The following SPATS2L variants were observed in gnomAD, a reference collection of about 807,000 sequenced individuals.
SPATS2L encodes the protein spermatogenesis associated serine rich 2 like, also known as SPATS2-like protein.
In SPATS2L, 30 loss-of-function variants were observed where a neutral mutation model predicts 59.6. The ratio of observed to expected loss-of-function variants is 0.50; its 90% CI spans 0.38 to 0.68. The LOEUF (loss-of-function observed/expected upper bound fraction) is 0.68. Ranked by LOEUF, SPATS2L falls within the 30% of genes least tolerant of loss-of-function variation. The probability of loss-of-function intolerance (pLI) is 0.00; values close to 1 mark genes in which losing one functional copy is unlikely to be tolerated. For missense variants in SPATS2L, 615 were observed against 700.0 expected (o/e 0.88, Z 1.37); for synonymous variants, 252 against 263.5 (o/e 0.96, Z 0.42).
chr2:200,428,583 A>C (rs189039777), intron 6 of SPATS2L, among the ~76,000 whole-genome samples: 1 of 152,316 alleles, frequency 6.6e-6, no homozygotes, highest in East Asian at 1.9e-4. Flanking sequence ...AAGATGACTC[A>C]CAAACTCATC....
intron 6 of SPATS2L, among the ~76,000 whole-genome samples, chr2:200,424,774 C>T (rs532719996): frequency 6.6e-6 from 1 of 152,286 alleles, no homozygotes; most frequent in Non-Finnish European, 1.5e-5. Flanking sequence ...TGTGGGCCAT[C>T]AGCAGCTTCC....
At chr2:200,356,733 A>G (rs960420933) in intron 2 of SPATS2L, among the ~76,000 whole-genome samples, 3 of 152,224 alleles carry the variant, frequency 2.0e-5, no homozygotes, top group Admixed American at 2.0e-4. Context: ...TTTGTATAAC[A>G]GAATACTCTA....
intron 2 of SPATS2L, among the ~76,000 whole-genome samples, chr2:200,371,929 C>T (rs2081439423): frequency 1.3e-5 from 2 of 152,130 alleles, no homozygotes; most frequent in East Asian, 1.9e-4. Context: ...TAAGTCATAC[C>T]GTGTTTTCTA....
chr2:200,372,022 T>TA (rs2081442761), intron 2 of SPATS2L: 23 of 985,278 alleles, frequency 2.3e-5, no homozygotes, highest in Non-Finnish European at 2.8e-5. Context: ...CTCCCAGGCA[T>TA]AAAAACCCAA....
At chr2:200,313,592 A>C (rs2079264358) in intron 1 of SPATS2L, among the ~76,000 whole-genome samples, 1 of 152,136 alleles carries the variant, frequency 6.6e-6, no homozygotes, top group East Asian at 1.9e-4. Context: ...TCAACATATA[A>C]ACATGCATAA....
chr2:200,472,775 A>C (rs2087157546), intron 11 of SPATS2L, 57 bp from the exon 12 acceptor site: 1 of 1,453,740 alleles, frequency 6.9e-7, no homozygotes, highest in South Asian at 1.1e-5. Flanking sequence ...CTAATGGGTT[A>C]CTGAGGCAGC....
chr2:200,390,704 C>T (rs2082145620), intron 3 of SPATS2L: 1 of 152,282 alleles, frequency 6.6e-6, no homozygotes, highest in East Asian at 1.9e-4. Context: ...CACTTAGAAT[C>T]CTGGCTGTCT....
In SPATS2L at chr2:200,452,966, A is replaced by G. The variant is rs75434982; in HGVS notation, c.789-6803A>G. Reference sequence around the variant, plus strand: ...GTTGTTATAAAACCTAAATGCAAATATATACAGAGTGGAAGGTGACAGACC... The same window carrying G: ...GTTGTTATAAAACCTAAATGCAAATGTATACAGAGTGGAAGGTGACAGACC... On this transcript the variant is annotated intron_variant, in intron 8 of 12. Transcript: ENST00000409140. Among the ~76,000 whole-genome samples the G allele has an allele frequency of 8.4e-3, 1,277 of 152,336 alleles. 12 individuals are homozygous for G. The highest frequency in any genetic ancestry group is 0.013 in the Non-Finnish European group (888 of 68,032).
chr2:200,329,061 G>A lies in SPATS2L; in HGVS notation c.-72-370G>A, dbSNP rs563936839. On this transcript the variant is annotated intron_variant, in intron 1 of 12. Coordinates refer to ENST00000409140, the MANE Select transcript of SPATS2L (RefSeq NM_001100423.2). Reference sequence around the variant, plus strand: ...CCTACCTCAGAGTATTGAAGAGTTAGCCTATGTGAAGCCCTAGAACAATGC... The same window carrying A: ...CCTACCTCAGAGTATTGAAGAGTTAACCTATGTGAAGCCCTAGAACAATGC... Among the ~76,000 whole-genome samples, 3 of 152,278 alleles carry A rather than the reference G, an allele frequency of 2.0e-5. No individual in the cohort carries two copies. The East Asian group carries it at 5.8e-4, about 29-fold the overall frequency.
intron 2 of SPATS2L, among the ~76,000 whole-genome samples, chr2:200,340,856 T>C (rs2080301258): frequency 1.3e-5 from 2 of 152,380 alleles, no homozygotes; most frequent in South Asian, 4.1e-4. Flanking sequence ...TTGCCCTTGC[T>C]CTTCCTTTTT....
At chr2:200,420,898 C>G (rs940138959) in intron 6 of SPATS2L, among the ~76,000 whole-genome samples, 1 of 152,158 alleles carries the variant, frequency 6.6e-6, no homozygotes, top group South Asian at 2.1e-4. Flanking sequence ...CGCCAACACA[C>G]ACACACACAA....
chr2:200,411,579 T>C (rs186546135), intron 3 of SPATS2L, among the ~76,000 whole-genome samples: 4 of 152,330 alleles, frequency 2.6e-5, no homozygotes, highest in Admixed American at 2.6e-4. Flanking sequence ...TTGCAAGTAC[T>C]GTGAGATAAA....
At chr2:200,315,213 G>T (rs1431934441) in intron 1 of SPATS2L, among the ~76,000 whole-genome samples, 2 of 152,150 alleles carry the variant, frequency 1.3e-5, no homozygotes, top group Non-Finnish European at 2.9e-5. Context: ...TCAGTCCAGA[G>T]GTATGAAATG....
chr2:200,467,973 T>G (rs2086717266), intron 10 of SPATS2L, among the ~76,000 whole-genome samples: 1 of 152,134 alleles, frequency 6.6e-6, no homozygotes. Context: ...GATGTGAGTA[T>G]AGCTCAGCAA....
At chr2:200,453,959 C>A (rs1198557941) in intron 8 of SPATS2L, among the ~76,000 whole-genome samples, 1 of 152,132 alleles carries the variant, frequency 6.6e-6, no homozygotes, top group Non-Finnish European at 1.5e-5. Flanking sequence ...CCTTCTCTTT[C>A]TACTGCATGC....
intron 2 of SPATS2L, among the ~76,000 whole-genome samples, chr2:200,336,775 G>A (rs548535985): frequency 5.3e-5 from 8 of 152,210 alleles, no homozygotes; most frequent in South Asian, 4.1e-4. Flanking sequence ...CAATTCAAAC[G>A]ATTCTTTCAG....
intron 2 of SPATS2L, chr2:200,383,928 T>G (rs2081907786): frequency 1.0e-6 from 1 of 1,001,836 alleles, no homozygotes; most frequent in Non-Finnish European, 1.2e-6. Flanking sequence ...TTAATGGGTT[T>G]CAGAGAAACG....
At chr2:200,475,555 G>A (rs2087450140) in intron 12 of SPATS2L, among the ~76,000 whole-genome samples, 1 of 152,246 alleles carries the variant, frequency 6.6e-6, no homozygotes, top group South Asian at 2.1e-4. Flanking sequence ...GAGACAGTCA[G>A]ATATGCATTT....
chr2:200,311,820 G>C (rs771176004), intron 1 of SPATS2L, among the ~76,000 whole-genome samples: 1 of 152,126 alleles, frequency 6.6e-6, no homozygotes, highest in Non-Finnish European at 1.5e-5. Flanking sequence ...GCTCAGAAGG[G>C]AAAAAAATCT....
Sources: gnomAD v4.1 joint callset for allele counts (sites outside exome capture counted in the v4.1 genomes callset) on GRCh38, gnomAD v4.1.1 for gene constraint, MANE v1.5 for transcripts, NCBI Gene and HGNC (gene_info 2026-07-23, HGNC 2026-07-21) for gene names.